Variants in UBL3 observed in about 807,000 individuals in gnomAD.
UBL3 encodes the protein ubiquitin like 3.
UBL3 carries 6 observed loss-of-function variants against 18.4 expected under a neutral mutation model. The observed-to-expected ratio is 0.33, with a 90% CI of 0.18 to 0.64. The LOEUF (loss-of-function observed/expected upper bound fraction) is 0.64. Among genes scored for constraint, UBL3 ranks in the 30% least tolerant of loss-of-function variants. The probability of loss-of-function intolerance (pLI) is 0.76; values close to 1 mark genes in which losing one functional copy is unlikely to be tolerated. For synonymous variants in UBL3, 49 were observed against 46.6 expected (o/e 1.05, Z -0.21); for missense variants, 109 against 142.9 (o/e 0.76, Z 1.21).
intron 2 of UBL3, among the ~76,000 whole-genome samples, chr13:29,775,612 T>C (rs1286579001): frequency 6.6e-6 from 1 of 152,078 alleles, no homozygotes; most frequent in Non-Finnish European, 1.5e-5. Flanking sequence ...ACAATTCACT[T>C]GAGGGAGGCA....
chr13:29,769,450 A>G (rs1214834706), intron 3 of UBL3, among the ~76,000 whole-genome samples: 1 of 152,084 alleles, frequency 6.6e-6, no homozygotes, highest in African/African-American at 2.4e-5. Flanking sequence ...CTCTCCTATG[A>G]CACAGTACAA....
chr13:29,785,600 G>T (rs527783553), intron 1 of UBL3, among the ~76,000 whole-genome samples: 58 of 152,222 alleles, frequency 3.8e-4, no homozygotes, highest in Non-Finnish European at 7.5e-4. Flanking sequence ...AAGAAACAAA[G>T]AATGAGGAAG....
chr13:29,818,515 CCAAT>C (rs757879672), intron 1 of UBL3, among the ~76,000 whole-genome samples: 5 of 152,220 alleles, frequency 3.3e-5, no homozygotes, highest in South Asian at 2.1e-4. Flanking sequence ...CAAATTAAGG[CCAAT>C]CAATCACCTG....
At chr13:29,815,574 T>C (rs1187182191) in intron 1 of UBL3, among the ~76,000 whole-genome samples, 1 of 152,196 alleles carries the variant, frequency 6.6e-6, no homozygotes, top group Admixed American at 6.5e-5. Context: ...CTCTTCTGAA[T>C]GCCACTTTAT....
In UBL3 at chr13:29,849,668, A is replaced by C. The variant is rs1879319634; in HGVS notation, c.-130T>G. ...TGATGTGCTTTCTCCCCCAAAAATA[A>C]AGTTATTTTGGAGCCAAAGTGCCGG... On this transcript the variant is annotated 5_prime_UTR_variant, in exon 1 of 5. Transcript: ENST00000380680. The C allele has an allele frequency of 6.4e-6, 8 of 1,243,758 alleles. No individual in the cohort carries two copies. Among genetic ancestry groups the C allele is most frequent in the African/African-American group, 1.5e-5 (1 of 66,608 alleles). The allele number at this position is 1,243,758 out of a possible 1,614,324, so 77.0% of individuals were successfully genotyped here.
intron 1 of UBL3, among the ~76,000 whole-genome samples, chr13:29,777,948 G>T (rs1437967782): frequency 1.3e-5 from 2 of 152,038 alleles, no homozygotes; most frequent in African/African-American, 4.8e-5. Context: ...TGTGTTTTTA[G>T]TAGAGATGAG....
chr13:29,842,384 C>T (rs995017740), intron 1 of UBL3, among the ~76,000 whole-genome samples: 7 of 152,080 alleles, frequency 4.6e-5, no homozygotes, highest in African/African-American at 1.7e-4. Context: ...GTCTCGAACT[C>T]CTGACCTCAA....
intron 1 of UBL3, among the ~76,000 whole-genome samples, chr13:29,806,552 GGCTGGGGGGCAGGGAGT>G (rs1877903352): frequency 6.6e-6 from 1 of 152,122 alleles, no homozygotes. Flanking sequence ...TAAAGGGTAG[GGCTGGGGGGCAGGGAGT>G]ATGGTGGGTG....
At chr13:29,782,002 C>CT (rs571911999) in intron 1 of UBL3, among the ~76,000 whole-genome samples, 7 of 149,158 alleles carry the variant, frequency 4.7e-5, no homozygotes, top group Non-Finnish European at 1.0e-4. Context: ...GACCCCATCT[C>CT]TAAAAAAAAA....
chr13:29,849,771 G>A lies in UBL3; in HGVS notation c.-233C>T, dbSNP rs1879322282. On this transcript the variant is annotated 5_prime_UTR_variant, in exon 1 of 5. Coordinates refer to ENST00000380680, the MANE Select transcript of UBL3 (RefSeq NM_007106.4). ...GGAGCAGGAGGAAACTCCCGGGACA[G>A]CAGAGGCAGCCCCCGTCGTCGTCGT... 1.7e-6 allele frequency: 1 copy of A among 603,290 alleles called. No individual in the cohort carries two copies. Among genetic ancestry groups the A allele is most frequent in the South Asian group, 2.0e-5 (1 of 49,768 alleles). 37.4% of individuals were successfully genotyped at this position (603,290 alleles called of 1,614,324 possible). A position where few individuals can be genotyped will look rare whatever the true frequency, so the allele number is the denominator to read the frequency against.
intron 1 of UBL3, among the ~76,000 whole-genome samples, chr13:29,823,051 AT>A (rs1878512071): frequency 6.6e-6 from 1 of 152,234 alleles, no homozygotes; most frequent in South Asian, 2.1e-4. Context: ...AATGTTTTCT[AT>A]TTTACAAGTT....
At chr13:29,767,434 A>C in intron 4 of UBL3, 127 bp from the exon 5 acceptor site, 2 of 1,273,534 alleles carry the variant, frequency 1.6e-6, no homozygotes, top group Non-Finnish European at 2.2e-6. Context: ...TTCAAAATTA[A>C]GAAGCTGTAA....
chr13:29,845,004 TTC>T (rs1879196962), intron 1 of UBL3, among the ~76,000 whole-genome samples: 1 of 152,112 alleles, frequency 6.6e-6, no homozygotes, highest in South Asian at 2.1e-4. Context: ...ACTCAACAAT[TTC>T]TGAATGTCTA....
chr13:29,780,367 A>AAAT (rs1359464345), intron 1 of UBL3, among the ~76,000 whole-genome samples: 1 of 103,334 alleles, frequency 9.7e-6, no homozygotes, highest in African/African-American at 4.0e-5. Context: ...AAAAAAAAAA[A>AAAT]ATATATATAT....
intron 1 of UBL3, among the ~76,000 whole-genome samples, chr13:29,798,948 T>G (rs1055740342): frequency 2.6e-5 from 4 of 152,212 alleles, no homozygotes; most frequent in African/African-American, 9.6e-5. Flanking sequence ...CTCTTTATTT[T>G]CCAGATAAGG....
chr13:29,767,138 G>A lies in UBL3; in HGVS notation c.*117C>T, dbSNP rs1231895596. 3 of 986,124 alleles carry A rather than the reference G, an allele frequency of 3.0e-6. No homozygotes were observed. Among genetic ancestry groups the A allele is most frequent in the South Asian group, 1.7e-5 (1 of 57,668 alleles). The allele number at this position is 986,124 out of a possible 1,614,324, so 61.1% of individuals were successfully genotyped here. ...ATGACAGTGTTCATGTGGTAATTCA[G>A]TTCCATGTGTTTACAGGCAGACTGT... is the stretch of plus-strand genomic sequence containing the variant. On this transcript the variant is annotated 3_prime_UTR_variant, in exon 5 of 5. Transcript: ENST00000380680.
intron 1 of UBL3, among the ~76,000 whole-genome samples, chr13:29,835,101 TATATAAATATATATATATATATAA>T (rs1878894258): frequency 1.1e-4 from 5 of 44,998 alleles, no homozygotes; most frequent in African/African-American, 2.1e-4. Context: ...TATATATATA[TATATAAATATATATATATATATAA>T]ATATATATAT....
chr13:29,836,088 G>C (rs1432010022), intron 1 of UBL3, among the ~76,000 whole-genome samples: 1 of 152,180 alleles, frequency 6.6e-6, no homozygotes, highest in Non-Finnish European at 1.5e-5. Flanking sequence ...TAGTCCAGGA[G>C]AGAGAGGGTA....
At chr13:29,790,151 T>TA (rs1170745887) in intron 1 of UBL3, among the ~76,000 whole-genome samples, 1 of 152,204 alleles carries the variant, frequency 6.6e-6, no homozygotes, top group Middle Eastern at 3.2e-3. Flanking sequence ...AGATGACTGT[T>TA]AAAGTTCCTC....
Sources: allele counts gnomAD v4.1 joint callset (sites outside exome capture counted in the v4.1 genomes callset), GRCh38; gene constraint gnomAD v4.1.1; transcripts MANE v1.5; gene names NCBI Gene and HGNC (gene_info 2026-07-23, HGNC 2026-07-21).